Variants in TLCD4 observed in about 807,000 individuals in gnomAD.
TLCD4 encodes the protein TLC domain-containing protein 4.
A neutral mutation model predicts 24.2 loss-of-function variants in TLCD4; 7 were observed. The ratio of observed to expected loss-of-function variants is 0.29; its 90% CI spans 0.16 to 0.54. The LOEUF (loss-of-function observed/expected upper bound fraction) is 0.54, where lower values mean the gene tolerates loss of function less well. TLCD4 is among the 20% of genes least tolerant of loss of function. The pLI is 0.95. For synonymous variants in TLCD4, 103 were observed against 106.4 expected (o/e 0.97, Z 0.20); for missense variants, 259 against 313.9 (o/e 0.82, Z 1.32).
At chr1:95,109,958 T>TAC in the TLCD4 span, among the ~76,000 whole-genome samples, 77 of 108,042 alleles carry the variant, frequency 7.1e-4, 3 homozygotes, top group East Asian at 2.1e-3. Flanking sequence ...TATATATATA[T>TAC]ACACACACAC....
intron 1 of TLCD4, among the ~76,000 whole-genome samples, chr1:95,138,905 G>C (rs1677119108): frequency 6.6e-6 from 1 of 151,644 alleles, no homozygotes; most frequent in South Asian, 2.1e-4. Context: ...ATTAAAAATT[G>C]GACTAGGCAT....
chr1:95,183,356 CAG>C (rs767360891), intron 6 of TLCD4, among the ~76,000 whole-genome samples: 8 of 151,954 alleles, frequency 5.3e-5, no homozygotes, highest in Non-Finnish European at 8.8e-5. Context: ...TCAAAAGTGA[CAG>C]AGAATTAGGA....
chr1:95,145,606 A>G (rs1325868244), intron 2 of TLCD4, among the ~76,000 whole-genome samples: 2 of 152,222 alleles, frequency 1.3e-5, no homozygotes, highest in Non-Finnish European at 2.9e-5. Flanking sequence ...TAACATATGA[A>G]GATAGATGGA....
intron 6 of TLCD4, among the ~76,000 whole-genome samples, chr1:95,186,933 TTTC>T (rs1172594637): frequency 3.9e-5 from 6 of 152,218 alleles, no homozygotes; most frequent in African/African-American, 1.4e-4. Context: ...TAATTTTTAG[TTTC>T]TTATGTTGAA....
In TLCD4 at chr1:95,193,617, T is replaced by G. The variant is rs937538249; in HGVS notation, c.*1749T>G. ...ATTTGCTTTTATTATTCAATGCAGA[T>G]AGAGCCTGATAAGTTTTAGAACATT... On this transcript the variant is annotated 3_prime_UTR_variant, in exon 7 of 7. Transcript: ENST00000370203. 2 of 152,132 alleles carry G rather than the reference T, an allele frequency of 1.3e-5. No homozygotes were observed. Among genetic ancestry groups the G allele is most frequent in the Admixed American group, 1.3e-4 (2 of 15,272 alleles). 9.4% of individuals were successfully genotyped at this position (152,132 alleles called of 1,614,324 possible).
intron 5 of TLCD4, among the ~76,000 whole-genome samples, chr1:95,170,773 A>C (rs1051576304): frequency 6.6e-6 from 1 of 152,124 alleles, no homozygotes; most frequent in Admixed American, 6.5e-5. Flanking sequence ...CCTTTTCCCT[A>C]ATTTGCTACA....
At chr1:95,115,910 C>T (rs1038514592), upstream of TLCD4, among the ~76,000 whole-genome samples, 2 of 152,156 alleles carry the variant, frequency 1.3e-5, no homozygotes, top group African/African-American at 4.8e-5. Flanking sequence ...CACATATAAC[C>T]ATCCTGCCCA....
intron 5 of TLCD4, among the ~76,000 whole-genome samples, chr1:95,156,825 T>C (rs1281098459): frequency 6.6e-6 from 1 of 152,096 alleles, no homozygotes; most frequent in African/African-American, 2.4e-5. Flanking sequence ...TTTGGAGAGA[T>C]ACTGTGAGAT....
intron 1 of TLCD4, among the ~76,000 whole-genome samples, chr1:95,119,915 A>G (rs1293201420): frequency 2.0e-5 from 3 of 150,784 alleles, no homozygotes; most frequent in Non-Finnish European, 4.5e-5. Flanking sequence ...GAGTAAACTG[A>G]ACAGTCTACA....
At chr1:95,172,090 G>C (rs1184835894) in intron 5 of TLCD4, among the ~76,000 whole-genome samples, 1 of 152,210 alleles carries the variant, frequency 6.6e-6, no homozygotes, top group African/African-American at 2.4e-5. Context: ...CCTGCAGAGA[G>C]CTCATGACCC....
chr1:95,177,066 T>C (rs1678457585), intron 6 of TLCD4, among the ~76,000 whole-genome samples: 1 of 152,188 alleles, frequency 6.6e-6, no homozygotes, highest in Non-Finnish European at 1.5e-5. Flanking sequence ...CCACTTTCAC[T>C]ACCTTATTTT....
Position 95,160,622 on chromosome 1 carries a change from G to A in TLCD4, c.399+9203G>A, listed in dbSNP as rs1039657367. Among the ~76,000 whole-genome samples the A allele has an allele frequency of 6.5e-4, 99 of 152,084 alleles. 2 individuals carry two copies. Among genetic ancestry groups the A allele is most frequent in the Admixed American group, 3.9e-4 (6 of 15,270 alleles). ...GAATGCTTCCAGTTTTTGCCCATTC[G>A]GTATGACATTGGCTGTGGGTTTGTC... On this transcript the variant is annotated intron_variant, in intron 5 of 6. Coordinates refer to ENST00000370203, the MANE Select transcript of TLCD4 (RefSeq NM_152487.3).
intron 1 of TLCD4, among the ~76,000 whole-genome samples, chr1:95,134,748 A>G (rs1676998627): frequency 1.3e-5 from 2 of 152,126 alleles, no homozygotes; most frequent in African/African-American, 4.8e-5. Flanking sequence ...TGGCTGTAGG[A>G]TGGTTTTATT....
intron 1 of TLCD4, among the ~76,000 whole-genome samples, chr1:95,128,732 T>G (rs1676809335): frequency 6.6e-6 from 1 of 152,162 alleles, no homozygotes; most frequent in African/African-American, 2.4e-5. Context: ...AGAGAAGACT[T>G]TGTAGTCTAA....
rs143740884 is a variant in TLCD4, at chr1:95,183,466, A to G, written c.474-8084A>G. Among the ~76,000 whole-genome samples, 6 of 152,298 alleles carry G rather than the reference A, an allele frequency of 3.9e-5. No homozygotes were observed. The East Asian group carries it at 1.2e-3, about 29-fold the overall frequency. On this transcript the variant is annotated intron_variant, in intron 6 of 6. Coordinates refer to ENST00000370203, the MANE Select transcript of TLCD4 (RefSeq NM_152487.3). ...AATTTAGTGAGAGCTCGAGAGAGGA[A>G]TGTTGGGATGATCAGAATAAGGTGA...
the TLCD4 span, among the ~76,000 whole-genome samples, chr1:95,109,912 CATATATATATATATATATATATATATAT>C: frequency 2.6e-4 from 21 of 80,260 alleles, 1 homozygote; most frequent in South Asian, 2.6e-3. Context: ...TGTGTGTATG[CATATATATATATATATATATATATATAT>C]ATATATATAT....
chr1:95,163,174 C>T (rs1677886279), intron 5 of TLCD4: 1 of 152,208 alleles, frequency 6.6e-6, no homozygotes, highest in African/African-American at 2.4e-5. Flanking sequence ...CACATAGTCT[C>T]ATATTTCTCA....
intron 1 of TLCD4, among the ~76,000 whole-genome samples, 178 bp from the exon 2 acceptor site, chr1:95,143,711 CAA>C (rs1488989888): frequency 2.6e-5 from 4 of 151,798 alleles, no homozygotes; most frequent in Admixed American, 2.6e-4. Flanking sequence ...AGATACATGA[CAA>C]ATAGATGGTA....
intron 5 of TLCD4, among the ~76,000 whole-genome samples, chr1:95,163,067 A>T (rs1378334676): frequency 6.6e-6 from 1 of 152,216 alleles, no homozygotes; most frequent in Non-Finnish European, 1.5e-5. Flanking sequence ...AGGTTGGGGA[A>T]GTTCTCCTGG....
Sources: allele counts gnomAD v4.1 joint callset (sites outside exome capture counted in the v4.1 genomes callset), GRCh38; gene constraint gnomAD v4.1.1; transcripts MANE v1.5; gene names NCBI Gene and HGNC (gene_info 2026-07-23, HGNC 2026-07-21).